The following TMPRSS15 variants were observed in gnomAD, a reference collection of about 807,000 sequenced individuals.
TMPRSS15 encodes enteropeptidase.
A neutral mutation model predicts 125.3 loss-of-function variants in TMPRSS15; 128 were observed. The observed-to-expected ratio is 1.02, with a 90% confidence interval of 0.89 to 1.18. The LOEUF is 1.18. TMPRSS15 is among the 50% of genes most tolerant of loss of function. TMPRSS15 has a pLI of 0.00. For missense variants in TMPRSS15, 1,283 were observed against 1,212.7 expected (o/e 1.06, Z -0.86); for synonymous variants, 446 against 423.2 (o/e 1.05, Z -0.66).
intron 1 of TMPRSS15, among the ~76,000 whole-genome samples, chr21:18,441,895 C>T (rs773178012): frequency 3.3e-5 from 5 of 151,748 alleles, no homozygotes; most frequent in Admixed American, 6.6e-5. Context: ...TTCACCATGT[C>T]GGCCAGGCTA....
chr21:18,317,788 CCA>C (rs1485892461), intron 16 of TMPRSS15, among the ~76,000 whole-genome samples: 7 of 124,934 alleles, frequency 5.6e-5, no homozygotes, highest in African/African-American at 6.3e-5. Flanking sequence ...CCATCCCATC[CCA>C]TCCCATCCCA....
At chr21:18,418,868 C>T (rs2076185903) in intron 1 of TMPRSS15, among the ~76,000 whole-genome samples, 1 of 152,112 alleles carries the variant, frequency 6.6e-6, no homozygotes, top group Non-Finnish European at 1.5e-5. Context: ...GCAAAAACAA[C>T]GGAGTTCATA....
intron 18 of TMPRSS15, among the ~76,000 whole-genome samples, chr21:18,312,212 T>C (rs1398828780): frequency 6.6e-6 from 1 of 152,048 alleles, no homozygotes; most frequent in Non-Finnish European, 1.5e-5. Context: ...TTATTACTGC[T>C]CATTACTTTC....
chr21:18,364,273 T>C (rs1190543843), intron 7 of TMPRSS15, among the ~76,000 whole-genome samples: 2 of 152,154 alleles, frequency 1.3e-5, no homozygotes, highest in African/African-American at 2.4e-5. Flanking sequence ...TAGCTATTAA[T>C]AGAAATGAAC....
chr21:18,459,391 A>G (rs776457704), intron 1 of TMPRSS15, among the ~76,000 whole-genome samples: 1 of 151,896 alleles, frequency 6.6e-6, no homozygotes, highest in Non-Finnish European at 1.5e-5. Context: ...CTCATGACTC[A>G]GCCTCTCGAG....
At chr21:18,411,482 TA>T (rs1170749773) in intron 1 of TMPRSS15, among the ~76,000 whole-genome samples, 1 of 152,182 alleles carries the variant, frequency 6.6e-6, no homozygotes. Context: ...CTCTTTACAT[TA>T]AAAAGTCTTT....
At chr21:18,349,210 T>C (rs1366599381) in intron 10 of TMPRSS15, among the ~76,000 whole-genome samples, 1 of 152,224 alleles carries the variant, frequency 6.6e-6, no homozygotes, top group Non-Finnish European at 1.5e-5. Flanking sequence ...CCACATATTA[T>C]GAACCTCATT....
chr21:18,476,397 T>C (rs1168818446), intron 1 of TMPRSS15, among the ~76,000 whole-genome samples: 1 of 152,184 alleles, frequency 6.6e-6, no homozygotes, highest in Non-Finnish European at 1.5e-5. Context: ...TTTCAAATCA[T>C]TGTGCAAGAG....
chr21:18,281,284 T>C, intron 21 of TMPRSS15, 63 bp from the exon 22 acceptor site: 2 of 1,347,618 alleles, frequency 1.5e-6, no homozygotes, highest in South Asian at 2.3e-5. Flanking sequence ...TTCTAGAAGA[T>C]CTTCATCATG....
intron 3 of TMPRSS15, among the ~76,000 whole-genome samples, chr21:18,384,996 T>G (rs1313582158): frequency 6.6e-6 from 1 of 152,206 alleles, no homozygotes; most frequent in African/African-American, 2.4e-5. Context: ...AGTATATTCC[T>G]TCTTCGTGTC....
chr21:18,293,213 T>C (rs1312445798), intron 21 of TMPRSS15, among the ~76,000 whole-genome samples: 1 of 152,256 alleles, frequency 6.6e-6, no homozygotes, highest in Non-Finnish European at 1.5e-5. Flanking sequence ...TCTCTGTGTC[T>C]GACAGTTGGT....
At chr21:18,289,452 C>T (rs1436574353) in intron 21 of TMPRSS15, among the ~76,000 whole-genome samples, 3 of 152,100 alleles carry the variant, frequency 2.0e-5, no homozygotes, top group Non-Finnish European at 4.4e-5. Context: ...GCGGAGGTTG[C>T]AGTGAGCCAA....
intron 1 of TMPRSS15, among the ~76,000 whole-genome samples, chr21:18,462,328 G>A (rs2122910832): frequency 1.5e-3 from 229 of 152,134 alleles, no homozygotes; most frequent in Non-Finnish European, 2.0e-3. Context: ...TCTACAAATC[G>A]TTGCTACATA....
chr21:18,347,017 T>A (rs1035022802), intron 10 of TMPRSS15, among the ~76,000 whole-genome samples: 4 of 152,214 alleles, frequency 2.6e-5, no homozygotes, highest in African/African-American at 9.6e-5. Flanking sequence ...TCCAAACACC[T>A]AGAAATTTTT....
intron 24 of TMPRSS15, among the ~76,000 whole-genome samples, chr21:18,274,058 T>C (rs1177182727): frequency 6.6e-6 from 1 of 152,232 alleles, no homozygotes; most frequent in African/African-American, 2.4e-5. Flanking sequence ...TATTTCTTCA[T>C]TTAGTAATTA....
chr21:18,414,674 A>C (rs1410984510), intron 1 of TMPRSS15, among the ~76,000 whole-genome samples: 2 of 152,162 alleles, frequency 1.3e-5, no homozygotes, highest in African/African-American at 4.8e-5. Flanking sequence ...CGTTGTTGCA[A>C]AAAGCAGAAT....
At chr21:18,451,900 TGCATAATTTTATGCATGC>T (rs1978345378) in intron 1 of TMPRSS15, among the ~76,000 whole-genome samples, 1 of 151,792 alleles carries the variant, frequency 6.6e-6, no homozygotes, top group African/African-American at 2.4e-5. Flanking sequence ...ATGACATGCA[TGCATAATTTTATGCATGC>T]ATAATTTTAT....
chr21:18,318,345 G>A (rs1221475438), intron 16 of TMPRSS15, among the ~76,000 whole-genome samples: 1 of 152,170 alleles, frequency 6.6e-6, no homozygotes, highest in Non-Finnish European at 1.5e-5. Flanking sequence ...TCACAAGTCT[G>A]TTTCACAACA....
chr21:18,374,532 G>A (rs920894392), intron 5 of TMPRSS15, among the ~76,000 whole-genome samples: 64 of 147,282 alleles, frequency 4.3e-4, no homozygotes, highest in Non-Finnish European at 8.5e-4. Flanking sequence ...AGAAACAGAT[G>A]AGTCTCACTA....
Sources: gnomAD v4.1 joint callset for allele counts (sites outside exome capture counted in the v4.1 genomes callset) on GRCh38, gnomAD v4.1.1 for gene constraint, MANE v1.5 for transcripts, NCBI Gene and HGNC (gene_info 2026-07-23, HGNC 2026-07-21) for gene names.